The following BMERB1 variants were observed in gnomAD, a reference collection of about 807,000 sequenced individuals.
BMERB1 encodes the protein bMERB domain-containing protein 1.
Under a neutral mutation model 23.6 loss-of-function variants are expected in BMERB1, and 12 were observed. The ratio of observed to expected loss-of-function variants is 0.51; its 90% CI spans 0.33 to 0.82. The LOEUF (loss-of-function observed/expected upper bound fraction) is 0.82. BMERB1 is among the 40% of genes least tolerant of loss of function. The probability of loss-of-function intolerance (pLI) is 0.03; values close to 1 mark genes in which losing one functional copy is unlikely to be tolerated. For missense variants in BMERB1, 247 were observed against 255.4 expected, an observed-to-expected ratio of 0.97 and a Z score of 0.22; for synonymous variants, 122 against 96.6, an observed-to-expected ratio of 1.26 and a Z score of -1.54.
intron 1 of BMERB1, among the ~76,000 whole-genome samples, chr16:15,472,582 A>G (rs1029795931): frequency 6.6e-6 from 1 of 152,020 alleles, no homozygotes; most frequent in Admixed American, 6.6e-5. Flanking sequence ...TTTGATTAAC[A>G]TTTGTGTATC....
chr16:15,535,304 T>C (rs1243530774), intron 2 of BMERB1, among the ~76,000 whole-genome samples: 2 of 152,104 alleles, frequency 1.3e-5, no homozygotes, highest in Non-Finnish European at 2.9e-5. Context: ...TGAGCTATGC[T>C]TGTGCCACTG....
chr16:15,504,606 A>G (rs1319617933), intron 1 of BMERB1, among the ~76,000 whole-genome samples: 1 of 151,860 alleles, frequency 6.6e-6, no homozygotes, highest in Non-Finnish European at 1.5e-5. Context: ...GTGCCACCAC[A>G]TCTGGCTAAT....
Position 15,534,820 on chromosome 16 carries a change from G to C in BMERB1, c.230+19392G>C, listed in dbSNP as rs191104960. ...CTCCTGTCTTATCCACAGCAGCTTTGCCCTCTTCTAAGAAGCCACGGCACC... is the reference window on the plus strand; with the variant it reads ...CTCCTGTCTTATCCACAGCAGCTTTCCCCTCTTCTAAGAAGCCACGGCACC... On this transcript the variant is annotated intron_variant, in intron 2 of 5. Coordinates refer to ENST00000300006, the MANE Select transcript of BMERB1 (RefSeq NM_033201.3). Among the ~76,000 whole-genome samples, 49 of 152,018 alleles carry C rather than the reference G, an allele frequency of 3.2e-4. 1 individual carries two copies.
At chr16:15,437,283 CTG>C (rs1429817991) in intron 1 of BMERB1, among the ~76,000 whole-genome samples, 2 of 152,228 alleles carry the variant, frequency 1.3e-5, no homozygotes, top group Non-Finnish European at 2.9e-5. Flanking sequence ...AATCCTCACT[CTG>C]TGCCTTGCTG....
intron 2 of BMERB1, among the ~76,000 whole-genome samples, chr16:15,551,921 G>A (rs2030103651): frequency 6.6e-6 from 1 of 152,118 alleles, no homozygotes; most frequent in South Asian, 2.1e-4. Flanking sequence ...TCCTGCCTCG[G>A]CCTCCCTTAG....
At chr16:15,581,940 A>G (rs1325564595) in intron 4 of BMERB1, among the ~76,000 whole-genome samples, 1 of 152,222 alleles carries the variant, frequency 6.6e-6, no homozygotes, top group Non-Finnish European at 1.5e-5. Flanking sequence ...GCCTTTCACA[A>G]GGAAAAAGGC....
chr16:15,546,453 C>G (rs148709384), intron 2 of BMERB1, among the ~76,000 whole-genome samples: 73 of 152,202 alleles, frequency 4.8e-4, no homozygotes, highest in African/African-American at 1.7e-3. Context: ...CTGGATCAAA[C>G]TGAGGGTTGG....
chr16:15,578,064 G>A (rs1004567652), intron 3 of BMERB1, among the ~76,000 whole-genome samples: 1 of 152,160 alleles, frequency 6.6e-6, no homozygotes, highest in South Asian at 2.1e-4. Flanking sequence ...CATTCCTTGG[G>A]GGGGAAATCC....
chr16:15,575,005 GGA>G (rs1413078041), intron 3 of BMERB1, among the ~76,000 whole-genome samples: 12 of 152,312 alleles, frequency 7.9e-5, no homozygotes, highest in Admixed American at 5.9e-4. Flanking sequence ...CTTGAACTCG[GGA>G]GAGGGGGGTT....
intron 2 of BMERB1, among the ~76,000 whole-genome samples, chr16:15,519,074 T>TACACACACACACACACACAC (rs145892599): frequency 1.4e-4 from 19 of 140,604 alleles, no homozygotes; most frequent in African/African-American, 5.1e-4. Flanking sequence ...ACAATCCTCT[T>TACACACACACACACACACAC]ACACACACAC....
At chr16:15,496,130 T>C (rs1172038488) in intron 1 of BMERB1, among the ~76,000 whole-genome samples, 1 of 151,890 alleles carries the variant, frequency 6.6e-6, no homozygotes, top group Non-Finnish European at 1.5e-5. Context: ...ATAATGGTGA[T>C]AGTGATAATG....
In BMERB1 at chr16:15,515,319, A is replaced by G. The variant is rs1273798921; in HGVS notation, c.121A>G (p.Ile41Val). The G allele has an allele frequency of 2.5e-6, 4 of 1,613,510 alleles. No homozygotes were observed. Among genetic ancestry groups the G allele is most frequent in the East Asian group, 2.2e-5 (1 of 44,878 alleles). ...ERLGRNQLDI[I>V]SMAETTMMPE... ...CTCCTGCACAGATCAGCTGGACATC[A>G]TCTCCATGGCGGAGACAACCATGAT... Residue 41 changes from isoleucine (I) to valine (V), a missense_variant, in exon 2 of 6, where the codon ATC (isoleucine) becomes GTC (valine). Coordinates refer to ENST00000300006, the MANE Select transcript of BMERB1 (RefSeq NM_033201.3).
At chr16:15,470,361 T>C (rs1454885818) in intron 1 of BMERB1, among the ~76,000 whole-genome samples, 3 of 151,972 alleles carry the variant, frequency 2.0e-5, no homozygotes, top group Admixed American at 1.3e-4. Context: ...CATCATTGGG[T>C]TTGATTTGCT....
At chr16:15,515,708 A>G (rs977333034) in intron 2 of BMERB1, among the ~76,000 whole-genome samples, 1 of 152,180 alleles carries the variant, frequency 6.6e-6, no homozygotes, top group African/African-American at 2.4e-5. Flanking sequence ...AAGGGAATGC[A>G]GAGGCTGTAC....
chr16:15,528,391 A>G (rs765996967), intron 2 of BMERB1, among the ~76,000 whole-genome samples: 18 of 152,100 alleles, frequency 1.2e-4, no homozygotes, highest in Non-Finnish European at 1.6e-4. Context: ...CCTTAATACT[A>G]TTGCATTGGA....
At chr16:15,443,413 G>A (rs2050958426) in intron 1 of BMERB1, among the ~76,000 whole-genome samples, 1 of 151,010 alleles carries the variant, frequency 6.6e-6, no homozygotes, top group South Asian at 2.1e-4. Context: ...AAATTAGCTG[G>A]ACGTGGTGCT....
chr16:15,454,773 C>T (rs925427982), intron 1 of BMERB1, among the ~76,000 whole-genome samples: 4 of 139,174 alleles, frequency 2.9e-5, no homozygotes, highest in African/African-American at 5.4e-5. Context: ...GCCTGGATGA[C>T]AGAGTGAGAC....
Position 15,527,616 on chromosome 16 carries a change from TA to T in BMERB1, c.230+12198del, listed in dbSNP as rs200416187. The stretch of plus-strand genomic sequence containing the variant: ...TGAGAATCCGTCTCAAAAAATAAAA[TA>T]AAAAAAAAAGAAGTGGAATCACACG... On this transcript the variant is annotated intron_variant, in intron 2 of 5. Transcript: ENST00000300006. 5.5e-5 allele frequency among the ~76,000 whole-genome samples: 8 copies of T among 146,442 alleles called. No individual in the cohort carries two copies. The East Asian group carries it at 8.0e-4, about 15-fold the overall frequency.
At chr16:15,502,243 G>A in intron 1 of BMERB1, 3 of 1,518,002 alleles carry the variant, frequency 2.0e-6, no homozygotes, top group Non-Finnish European at 2.7e-6. Flanking sequence ...TTAAAAAAAT[G>A]TGCTTGAGGT....
Sources: gnomAD v4.1 joint callset for allele counts (sites outside exome capture counted in the v4.1 genomes callset) on GRCh38, gnomAD v4.1.1 for gene constraint, MANE v1.5 for transcripts, NCBI Gene and HGNC (gene_info 2026-07-23, HGNC 2026-07-21) for gene names.